Variants in NPAS3 observed in about 807,000 individuals in gnomAD.
NPAS3 encodes neuronal PAS domain protein 3, also known as neuronal PAS domain-containing protein 3.
Under a neutral mutation model 73.1 loss-of-function variants are expected in NPAS3, and 14 were observed. The observed-to-expected ratio is 0.19, with a 90% confidence interval of 0.13 to 0.30. The LOEUF (loss-of-function observed/expected upper bound fraction) is 0.30. Ranked by LOEUF, NPAS3 falls within the 10% of genes least tolerant of loss-of-function variation. The probability of loss-of-function intolerance (pLI) is 1.00; values close to 1 mark genes in which losing one functional copy is unlikely to be tolerated. For synonymous variants in NPAS3, 620 were observed against 541.5 expected (o/e 1.14, Z -2.01); for missense variants, 1,096 against 1,250.0 (o/e 0.88, Z 1.86).
chr14:33,143,335 T>G (rs530585092), intron 2 of NPAS3, among the ~76,000 whole-genome samples: 1 of 151,484 alleles, frequency 6.6e-6, no homozygotes, highest in African/African-American at 2.4e-5. Context: ...CTACTAAAAA[T>G]ACAAAATTAG....
intron 4 of NPAS3, among the ~76,000 whole-genome samples, chr14:33,543,263 T>A (rs1377106145): frequency 1.3e-5 from 2 of 152,132 alleles, no homozygotes; most frequent in Admixed American, 1.3e-4. Flanking sequence ...CAGTTATATA[T>A]GAAGAGGGGA....
At position 33,082,290 on chromosome 14, in the gene NPAS3, C is replaced by T. The variant is rs186345267; in HGVS notation, c.140+26296C>T. ...TTGTAAGAAAGGGAGACCTAGCAGC[C>T]GCAAGGCACACACGGCTGGAGTTAC... On this transcript the variant is annotated intron_variant, in intron 2 of 11. Coordinates refer to ENST00000356141, the Ensembl canonical transcript of NPAS3. 1.2e-4 allele frequency among the ~76,000 whole-genome samples: 18 copies of T among 152,174 alleles called. No homozygotes were observed. The East Asian group carries it at 2.3e-3, about 20-fold the overall frequency.
At chr14:33,455,370 G>A (rs1465519990) in intron 4 of NPAS3, among the ~76,000 whole-genome samples, 2 of 152,168 alleles carry the variant, frequency 1.3e-5, no homozygotes, top group African/African-American at 2.4e-5. Flanking sequence ...GCCTTCTAGT[G>A]AAATTCTTCG....
intron 4 of NPAS3, among the ~76,000 whole-genome samples, chr14:33,527,923 T>C (rs1171137935): frequency 6.6e-6 from 1 of 152,086 alleles, no homozygotes; most frequent in Non-Finnish European, 1.5e-5. Context: ...ATTCCTTCCA[T>C]TTCAACACAA....
intron 7 of NPAS3, among the ~76,000 whole-genome samples, chr14:33,750,244 G>A (rs558383605): frequency 1.7e-3 from 260 of 150,260 alleles, no homozygotes; most frequent in African/African-American, 6.1e-3. Context: ...AGCATCATTA[G>A]TACTCTGTCA....
chr14:33,735,409 T>C, intron 7 of NPAS3, 77 bp downstream of exon 7: 1 of 980,484 alleles, frequency 1.0e-6, no homozygotes, highest in South Asian at 1.3e-5. Context: ...TTCCAGCTGC[T>C]TTAGGTCCAT....
At position 33,385,766 on chromosome 14, in the gene NPAS3, G is replaced by C. The variant is rs1362559883; in HGVS notation, c.468+18498G>C. On this transcript the variant is annotated intron_variant, in intron 4 of 11. Transcript: ENST00000356141. ...AATCTTCTCTGGAGTTGCACATATG[G>C]GTCCTGCATCTGCTCGGGTTATGTC... Among the ~76,000 whole-genome samples the C allele has an allele frequency of 5.9e-5, 9 of 152,114 alleles. No individual in the cohort carries two copies. In the South Asian group the frequency reaches 1.9e-3, roughly 32 times the overall value.
At chr14:33,403,055 A>C (rs552551768) in intron 4 of NPAS3, among the ~76,000 whole-genome samples, 2 of 152,226 alleles carry the variant, frequency 1.3e-5, no homozygotes, top group African/African-American at 4.8e-5. Flanking sequence ...TCTAAATCAA[A>C]GAGGAACTCT....
intron 1 of NPAS3, among the ~76,000 whole-genome samples, chr14:32,989,643 AAACAACAAC>A (rs140844361): frequency 1.2e-4 from 18 of 151,368 alleles, no homozygotes; most frequent in South Asian, 8.4e-4. Context: ...ACTCGGTCTC[AAACAACAAC>A]AACAACAACA....
intron 4 of NPAS3, among the ~76,000 whole-genome samples, chr14:33,512,653 A>G (rs1305771195): frequency 6.6e-6 from 1 of 151,934 alleles, no homozygotes; most frequent in Non-Finnish European, 1.5e-5. Context: ...GTGTGTACTA[A>G]GTATTTCTCT....
At chr14:33,638,501 A>G (rs1320008371) in intron 5 of NPAS3, among the ~76,000 whole-genome samples, 2 of 152,242 alleles carry the variant, frequency 1.3e-5, no homozygotes, top group African/African-American at 2.4e-5. Flanking sequence ...TAATAACACC[A>G]GCTGTGTAGT....
chr14:33,168,620 G>A (rs139154027), intron 2 of NPAS3, among the ~76,000 whole-genome samples: 1 of 152,160 alleles, frequency 6.6e-6, no homozygotes, highest in Non-Finnish European at 1.5e-5. Flanking sequence ...TGTAGTTGGT[G>A]TAGAGTTCCC....
chr14:33,406,006 A>G (rs1017433253), intron 4 of NPAS3, among the ~76,000 whole-genome samples: 1 of 152,176 alleles, frequency 6.6e-6, no homozygotes, highest in Non-Finnish European at 1.5e-5. Context: ...AAGAGATCTC[A>G]TAGTCTGCCT....
chr14:33,256,602 C>T (rs564852543), intron 3 of NPAS3, among the ~76,000 whole-genome samples: 4 of 152,224 alleles, frequency 2.6e-5, no homozygotes, highest in Non-Finnish European at 4.4e-5. Flanking sequence ...TTACACTGGC[C>T]GTTATAATGT....
intron 1 of NPAS3, among the ~76,000 whole-genome samples, chr14:32,954,863 C>T (rs1292926393): frequency 6.6e-6 from 1 of 152,092 alleles, no homozygotes; most frequent in Non-Finnish European, 1.5e-5. Flanking sequence ...TCATGCCTAG[C>T]ATAATGGTGA....
At chr14:33,496,525 G>A (rs1038546307) in intron 4 of NPAS3, among the ~76,000 whole-genome samples, 5 of 152,146 alleles carry the variant, frequency 3.3e-5, no homozygotes, top group Non-Finnish European at 7.4e-5. Flanking sequence ...CTTCATCCCT[G>A]GGATGCAAGG....
rs200631554 is a variant in NPAS3, at chr14:33,204,255, T to C, written c.141-10927T>C. On this transcript the variant is annotated intron_variant, in intron 2 of 11. Coordinates refer to ENST00000356141, the Ensembl canonical transcript of NPAS3. Reference sequence around the variant, plus strand: ...ATATCATGACCCTTCAAATTAAATCTTACATGGTAATCCGTGCCACATAAA... The same window carrying C: ...ATATCATGACCCTTCAAATTAAATCCTACATGGTAATCCGTGCCACATAAA... Among the ~76,000 whole-genome samples, 4 of 152,154 alleles carry C rather than the reference T, an allele frequency of 2.6e-5. No individual in the cohort carries two copies. The East Asian group carries it at 7.7e-4, about 29-fold the overall frequency.
intron 7 of NPAS3, among the ~76,000 whole-genome samples, chr14:33,747,463 C>T (rs1426714335): frequency 6.6e-6 from 1 of 152,198 alleles, no homozygotes; most frequent in Non-Finnish European, 1.5e-5. Context: ...TTATCTGTCC[C>T]ATCCCTCTAG....
At chr14:33,484,849 G>C (rs370441834) in intron 4 of NPAS3, among the ~76,000 whole-genome samples, 1 of 152,128 alleles carries the variant, frequency 6.6e-6, no homozygotes, top group Non-Finnish European at 1.5e-5. Flanking sequence ...ACAAATCAAG[G>C]TGAGGGGAAT....
Sources: gnomAD v4.1 joint callset for allele counts (sites outside exome capture counted in the v4.1 genomes callset) on GRCh38, gnomAD v4.1.1 for gene constraint, MANE v1.5 for transcripts, NCBI Gene and HGNC (gene_info 2026-07-23, HGNC 2026-07-21) for gene names.